The following TLE4 variants were observed in gnomAD, a reference collection of about 807,000 sequenced individuals.
TLE4 encodes the protein TLE family member 4, transcriptional corepressor, also known as transducin-like enhancer protein 4.
In TLE4, 8 loss-of-function variants were observed where a neutral mutation model predicts 92.8. That is an observed-to-expected ratio of 0.09 (90% CI 0.05 to 0.16). TLE4 has a LOEUF of 0.16. Among genes scored for constraint, TLE4 ranks in the 10% least tolerant of loss-of-function variants. TLE4 has a pLI of 1.00. For synonymous variants in TLE4, 371 were observed against 374.1 expected, an observed-to-expected ratio of 0.99 and a Z score of 0.10; for missense variants, 675 against 997.6, an observed-to-expected ratio of 0.68 and a Z score of 4.36.
Position 79,705,869 on chromosome 9 carries a change from C to T in TLE4, c.730-20C>T, listed in dbSNP as rs2071404539. The T allele has an allele frequency of 4.3e-6, 7 of 1,613,724 alleles. No homozygotes were observed. Among genetic ancestry groups the T allele is most frequent in the Non-Finnish European group, 5.9e-6 (7 of 1,179,742 alleles). On this transcript the variant is annotated intron_variant, in intron 9 of 19. Coordinates refer to ENST00000376552, the MANE Select transcript of TLE4 (RefSeq NM_007005.6). ...TGTTTTGTGAGGGGAGAAGATAATG[C>T]TTCTCACTTGTCAATGCAGGACAGC...
At chr9:79,724,029 A>G (rs1046675378) in intron 19 of TLE4, among the ~76,000 whole-genome samples, 1 of 152,184 alleles carries the variant, frequency 6.6e-6, no homozygotes. Context: ...GTTAACATTG[A>G]ATCCTTCATA....
chr9:79,588,812 T>C (rs973975647), intron 4 of TLE4, among the ~76,000 whole-genome samples: 3 of 152,162 alleles, frequency 2.0e-5, no homozygotes, highest in Non-Finnish European at 2.9e-5. Context: ...AAAGGTTCTA[T>C]ATAGTTCTGG....
intron 5 of TLE4, among the ~76,000 whole-genome samples, chr9:79,621,383 A>G (rs2050937373): frequency 6.6e-6 from 1 of 152,192 alleles, no homozygotes; most frequent in African/African-American, 2.4e-5. Flanking sequence ...TAGAAGAGAT[A>G]AAATTGAGAA....
intron 8 of TLE4, among the ~76,000 whole-genome samples, chr9:79,675,565 C>T (rs1425955764): frequency 6.6e-6 from 1 of 152,078 alleles, no homozygotes; most frequent in South Asian, 2.1e-4. Context: ...TTTAACCAAC[C>T]ACTTTAAAAC....
Position 79,706,811 on chromosome 9 carries a change from G to T in TLE4, c.848G>T (p.Arg283Leu). The change falls in exon 11 of 20, where the codon CGC becomes CTC. Residue 283 changes from arginine to leucine, a missense_variant. Physicochemically the swap from Arg to Leu is moderately radical, Grantham distance 102. Around this residue, in one of 5 missense-constraint regions of TLE4, gnomAD observed 280 missense variants for 287.3 expected, o/e 0.97. Transcript: ENST00000376552. ...AGAGAGAATGGCCTAGACAAGACAC[G>T]CCTGCTCAAGAAAGATGCCCCGATT... Reference protein sequence around the residue: ...SPRENGLDKTRLLKKDAPISP... With the variant: ...SPRENGLDKTLLLKKDAPISP... 1 of 1,614,100 alleles carries T rather than the reference G, an allele frequency of 6.2e-7. No individual in the cohort carries two copies. Among genetic ancestry groups the T allele is most frequent in the Non-Finnish European group, 8.5e-7 (1 of 1,180,012 alleles).
chr9:79,702,748 A>G (rs1017081362), intron 8 of TLE4, among the ~76,000 whole-genome samples: 1 of 152,166 alleles, frequency 6.6e-6, no homozygotes, highest in Non-Finnish European at 1.5e-5. Context: ...CAGCCCGCCC[A>G]GTGGGCACCC....
intron 6 of TLE4, among the ~76,000 whole-genome samples, chr9:79,642,688 A>G (rs1037068590): frequency 1.3e-5 from 2 of 152,142 alleles, no homozygotes; most frequent in East Asian, 3.9e-4. Flanking sequence ...CACTAATGGG[A>G]AAGTTAATAA....
At chr9:79,625,218 G>A (rs1363304303) in intron 5 of TLE4, among the ~76,000 whole-genome samples, 17 of 150,928 alleles carry the variant, frequency 1.1e-4, no homozygotes, top group East Asian at 3.9e-4. Context: ...ACGGGGTTTC[G>A]CCGTTTTAGC....
chr9:79,578,678 T>C (rs1341282037), intron 4 of TLE4, among the ~76,000 whole-genome samples: 1 of 152,214 alleles, frequency 6.6e-6, no homozygotes, highest in African/African-American at 2.4e-5. Flanking sequence ...AAAGCTAATG[T>C]AATTAGTACC....
chr9:79,649,789 G>A lies in TLE4; in HGVS notation c.391-2804G>A, dbSNP rs745623230. On this transcript the variant is annotated intron_variant, in intron 6 of 19. Coordinates refer to ENST00000376552, the MANE Select transcript of TLE4 (RefSeq NM_007005.6). ...TTGAAAAGTTCTGGTCCAATGGAAC[G>A]ATGAGTCGGTGCTTATTTTTTATCC... 24 of 1,357,760 alleles carry A rather than the reference G, an allele frequency of 1.8e-5. No homozygotes were observed. In the East Asian group the frequency reaches 2.7e-4, roughly 15 times the overall value. The allele number at this position is 1,357,760 out of a possible 1,614,324, so 84.1% of individuals were successfully genotyped here. A position where few individuals can be genotyped will look rare whatever the true frequency, so the allele number is the denominator to read the frequency against.
At chr9:79,673,559 G>T (rs561326468) in intron 8 of TLE4, among the ~76,000 whole-genome samples, 1 of 152,056 alleles carries the variant, frequency 6.6e-6, no homozygotes, top group Non-Finnish European at 1.5e-5. Flanking sequence ...ATTATTTTCT[G>T]CATAGTTCCA....
intron 8 of TLE4, among the ~76,000 whole-genome samples, chr9:79,703,478 T>C (rs1008459066): frequency 2.6e-5 from 4 of 152,228 alleles, no homozygotes; most frequent in Non-Finnish European, 5.9e-5. Context: ...TTGGCACTTT[T>C]TTCACTTCTT....
intron 11 of TLE4, among the ~76,000 whole-genome samples, chr9:79,707,602 G>A (rs1365952888): frequency 2.6e-5 from 4 of 152,218 alleles, no homozygotes; most frequent in Non-Finnish European, 5.9e-5. Flanking sequence ...GGGGGGATAA[G>A]TGCGACGGGC....
At position 79,631,982 on chromosome 9, in the gene TLE4, C is replaced by T. The variant is rs945900952; in HGVS notation, c.390+4534C>T. Among the ~76,000 whole-genome samples, 6 of 152,248 alleles carry T rather than the reference C, an allele frequency of 3.9e-5. No homozygotes were observed. The Middle Eastern group carries it at 0.01, about 259-fold the overall frequency. ...ACTTGAAATTAAATTTAAAAATTTA[C>T]GTTTTTTTACAAAAGTATTCTTCCT... On this transcript the variant is annotated intron_variant, in intron 6 of 19. Transcript: ENST00000376552.
At chr9:79,718,611 G>A (rs1449772146) in intron 14 of TLE4, 111 bp from the exon 15 acceptor site, 19 of 1,408,720 alleles carry the variant, frequency 1.3e-5, no homozygotes, top group South Asian at 4.4e-5. Context: ...CGATTTGTTC[G>A]TAAATCACAA....
At chr9:79,701,878 T>C (rs2070009327) in intron 8 of TLE4, among the ~76,000 whole-genome samples, 1 of 152,170 alleles carries the variant, frequency 6.6e-6, no homozygotes, top group African/African-American at 2.4e-5. Context: ...ACCCACAGCC[T>C]AAAGTGGGAA....
At chr9:79,654,544 G>A (rs2134259545) in intron 8 of TLE4, among the ~76,000 whole-genome samples, 1 of 149,478 alleles carries the variant, frequency 6.7e-6, no homozygotes, top group South Asian at 2.1e-4. Flanking sequence ...TTAAATTTAA[G>A]TGAATTTTTT....
At chr9:79,720,925 T>C (rs2075526661) in intron 16 of TLE4, among the ~76,000 whole-genome samples, 1 of 151,890 alleles carries the variant, frequency 6.6e-6, no homozygotes, top group African/African-American at 2.4e-5. Context: ...TTGGTGTTGG[T>C]AGATGGGAAA....
chr9:79,586,611 C>G (rs2041168115), intron 4 of TLE4, among the ~76,000 whole-genome samples: 2 of 152,126 alleles, frequency 1.3e-5, no homozygotes. Context: ...GACTTTCTTG[C>G]TTTGTCCCAT....
Sources: allele counts gnomAD v4.1 joint callset (sites outside exome capture counted in the v4.1 genomes callset), GRCh38; gene constraint gnomAD v4.1.1; regional missense constraint gnomAD v4.1.1; transcripts MANE v1.5; gene names NCBI Gene and HGNC (gene_info 2026-07-23, HGNC 2026-07-21).